The following EEPD1 variants were observed in gnomAD, a reference collection of about 807,000 sequenced individuals.
EEPD1 encodes endonuclease/exonuclease/phosphatase family domain-containing protein 1.
Under a neutral mutation model 46.3 loss-of-function variants are expected in EEPD1, and 17 were observed. The ratio of observed to expected loss-of-function variants is 0.37; its 90% confidence interval spans 0.25 to 0.55. EEPD1 has a LOEUF of 0.55. Among genes scored for constraint, EEPD1 ranks in the 20% least tolerant of loss-of-function variants. The pLI, the probability that EEPD1 is intolerant of heterozygous loss-of-function variation, is 0.83. For missense variants in EEPD1, 673 were observed against 745.6 expected, an observed-to-expected ratio of 0.90 and a Z score of 1.13; for synonymous variants, 313 against 315.6, an observed-to-expected ratio of 0.99 and a Z score of 0.09.
At chr7:36,283,398 A>G (rs1377241419) in intron 4 of EEPD1, among the ~76,000 whole-genome samples, 2 of 152,044 alleles carry the variant, frequency 1.3e-5, no homozygotes, top group East Asian at 3.9e-4. Flanking sequence ...GCCATCGGGG[A>G]GCCCCTGAAG....
intron 3 of EEPD1, among the ~76,000 whole-genome samples, chr7:36,241,395 C>T (rs1427131949): frequency 6.6e-6 from 1 of 152,024 alleles, no homozygotes; most frequent in East Asian, 1.9e-4. Context: ...ATTCCTTGAA[C>T]CTGGCAAGCG....
intron 2 of EEPD1, among the ~76,000 whole-genome samples, chr7:36,192,468 G>A: frequency 6.6e-6 from 1 of 151,868 alleles, no homozygotes; most frequent in Non-Finnish European, 1.5e-5. Flanking sequence ...CCAGGACAGT[G>A]ACACTGTCTA....
intron 3 of EEPD1, among the ~76,000 whole-genome samples, chr7:36,251,018 G>C (rs1786730064): frequency 6.6e-6 from 1 of 152,226 alleles, no homozygotes; most frequent in Non-Finnish European, 1.5e-5. Flanking sequence ...TTAGAGTCCA[G>C]TCAGATTTTA....
At position 36,247,663 on chromosome 7, in the gene EEPD1, G is replaced by C. The variant is rs191763820; in HGVS notation, c.930+8627G>C. Among the ~76,000 whole-genome samples the C allele has an allele frequency of 4.5e-4, 68 of 152,326 alleles. 1 individual carries two copies. The East Asian group carries it at 0.013, about 28-fold the overall frequency. Reference sequence around the variant, plus strand: ...GCCCTCTGCCCCAGGTCCACAGCAGGTGTGTTGGTAATCCAGGACCCATCA... The same window carrying C: ...GCCCTCTGCCCCAGGTCCACAGCAGCTGTGTTGGTAATCCAGGACCCATCA... On this transcript the variant is annotated intron_variant, in intron 3 of 7. Coordinates refer to ENST00000242108, the MANE Select transcript of EEPD1 (RefSeq NM_030636.3).
intron 2 of EEPD1, among the ~76,000 whole-genome samples, chr7:36,176,289 C>T (rs188159697): frequency 2.6e-5 from 4 of 152,300 alleles, no homozygotes; most frequent in Admixed American, 2.0e-4. Context: ...GTTTGGAAGA[C>T]AGCAAATCAC....
intron 2 of EEPD1, among the ~76,000 whole-genome samples, chr7:36,199,683 C>G (rs1785680406): frequency 6.6e-6 from 1 of 152,136 alleles, no homozygotes; most frequent in Non-Finnish European, 1.5e-5. Context: ...TGCTTCGACC[C>G]TAAAATGGGG....
rs1377146009 is a variant in EEPD1 at position 36,301,503 on chromosome 7, A to C, written c.*2297A>C. 6.6e-6 allele frequency: 1 copy of C among 152,202 alleles called. No homozygotes were observed. Among genetic ancestry groups the C allele is most frequent in the Non-Finnish European group, 1.5e-5 (1 of 68,044 alleles). The allele number at this position is 152,202 out of a possible 1,614,324, so 9.4% of individuals were successfully genotyped here. ...GTATTCATTATTAGCTACAGTGTTC[A>C]TAGTTTATATTAAAGTTCACTCTTT... On this transcript the variant is annotated 3_prime_UTR_variant, in exon 8 of 8. Coordinates refer to ENST00000242108, the MANE Select transcript of EEPD1 (RefSeq NM_030636.3).
Position 36,154,188 on chromosome 7 carries a change from T to A in EEPD1, c.-137T>A. On this transcript the variant is annotated 5_prime_UTR_variant, in exon 2 of 8. Transcript: ENST00000242108. This position sits in a 1 kb window ranked among gnomAD's most constrained non-coding sequence, Gnocchi z 4.2. Reference sequence around the variant, plus strand: ...CCAGGCATGGAAGATTCGGTGTTTGTCTATAGTAACCTCTTCAGTCCCTGA... The same window carrying A: ...CCAGGCATGGAAGATTCGGTGTTTGACTATAGTAACCTCTTCAGTCCCTGA... The A allele has an allele frequency of 2.7e-6, 3 of 1,096,750 alleles. No homozygotes were observed. The highest frequency in any genetic ancestry group is 3.8e-6 in the Non-Finnish European group (3 of 791,614). The allele number at this position is 1,096,750 out of a possible 1,614,324, so 67.9% of individuals were successfully genotyped here. A position where few individuals can be genotyped will look rare whatever the true frequency, so the allele number is the denominator to read the frequency against.
Position 36,299,275 on chromosome 7 carries a change from G to A in EEPD1, c.*69G>A. ...AGCCAAGGAATGAGCCCTGTGGGGT[G>A]ACGCTTCAGGGCAGAGCTGCCTTTT... On this transcript the variant is annotated 3_prime_UTR_variant, in exon 8 of 8. Transcript: ENST00000242108. 1 of 1,523,990 alleles carries A rather than the reference G, an allele frequency of 6.6e-7. No homozygotes were observed. Among genetic ancestry groups the A allele is most frequent in the Admixed American group, 1.9e-5 (1 of 53,270 alleles). The allele number at this position is 1,523,990 out of a possible 1,614,324, so 94.4% of individuals were successfully genotyped here.
chr7:36,195,275 C>T (rs879636848), intron 2 of EEPD1, among the ~76,000 whole-genome samples: 11 of 152,194 alleles, frequency 7.2e-5, no homozygotes, highest in African/African-American at 2.7e-4. Context: ...AGACATGAGG[C>T]GACTCCTGCC....
rs1324790341 is a variant in EEPD1, at chr7:36,157,365, GAGAAT to G, written c.878+2166_878+2170del. Among the ~76,000 whole-genome samples, 11 of 152,354 alleles carry G rather than the reference GAGAAT, an allele frequency of 7.2e-5. No individual in the cohort carries two copies. The South Asian group carries it at 2.1e-3, about 29-fold the overall frequency. ...CTAGGACCTATGAATGTGAAGGGTA[GAGAAT>G]AGGAGAGTGAGCAAAGACGGCTGGC... On this transcript the variant is annotated intron_variant, in intron 2 of 7. Coordinates refer to ENST00000242108, the MANE Select transcript of EEPD1 (RefSeq NM_030636.3).
intron 2 of EEPD1, among the ~76,000 whole-genome samples, chr7:36,233,225 G>C (rs139462923): frequency 7.2e-5 from 11 of 152,376 alleles, no homozygotes; most frequent in Middle Eastern, 6.8e-3. Context: ...AGAATGTGCT[G>C]AGGAGTGGCC....
At chr7:36,236,665 G>T (rs765470310) in intron 2 of EEPD1, among the ~76,000 whole-genome samples, 1 of 152,140 alleles carries the variant, frequency 6.6e-6, no homozygotes, top group South Asian at 2.1e-4. Flanking sequence ...GTTTGTAAAC[G>T]CACCAATCAG....
intron 2 of EEPD1, among the ~76,000 whole-genome samples, chr7:36,179,116 A>G (rs1418804793): frequency 6.6e-6 from 1 of 152,212 alleles, no homozygotes; most frequent in East Asian, 1.9e-4. Context: ...CCAAACATGT[A>G]TTTAAAAGAT....
At chr7:36,205,715 A>C (rs190632742) in intron 2 of EEPD1, among the ~76,000 whole-genome samples, 164 of 152,332 alleles carry the variant, frequency 1.1e-3, no homozygotes, top group African/African-American at 3.9e-3. Flanking sequence ...ACTTTTGAAA[A>C]TGGTAAGAAA....
At chr7:36,198,817 C>T (rs944522964) in intron 2 of EEPD1, among the ~76,000 whole-genome samples, 2 of 152,112 alleles carry the variant, frequency 1.3e-5, no homozygotes, top group African/African-American at 4.8e-5. Flanking sequence ...GTGCCAGCCA[C>T]GGTCACTCTG....
intron 2 of EEPD1, among the ~76,000 whole-genome samples, chr7:36,224,432 A>G (rs763865434): frequency 2.6e-5 from 4 of 152,232 alleles, no homozygotes; most frequent in Non-Finnish European, 5.9e-5. Context: ...AAGGATGCAT[A>G]AAGACTAAAA....
chr7:36,253,592 G>A (rs1166554579), intron 3 of EEPD1, among the ~76,000 whole-genome samples: 2 of 152,098 alleles, frequency 1.3e-5, no homozygotes, highest in Non-Finnish European at 2.9e-5. Flanking sequence ...AATTCTCTCA[G>A]TTTTTGCTTT....
intron 2 of EEPD1, among the ~76,000 whole-genome samples, chr7:36,224,920 T>C (rs1324166801): frequency 6.6e-6 from 1 of 152,018 alleles, no homozygotes; most frequent in Non-Finnish European, 1.5e-5. Context: ...TGGGCCCTAA[T>C]TGCAATCACA....
Sources: allele counts gnomAD v4.1 joint callset (sites outside exome capture counted in the v4.1 genomes callset), GRCh38; gene constraint gnomAD v4.1.1; non-coding constraint Gnocchi (gnomAD v3.1); transcripts MANE v1.5; gene names NCBI Gene and HGNC (gene_info 2026-07-23, HGNC 2026-07-21).